AHCYL2: variants seen among roughly 807,000 people sequenced by gnomAD.
The protein encoded by AHCYL2 is adenosylhomocysteinase like 2, also known as S-adenosylhomocysteine hydrolase-like protein 2.
A neutral mutation model predicts 81.4 loss-of-function variants in AHCYL2; 28 were observed. The ratio of observed to expected loss-of-function variants is 0.34; its 90% CI spans 0.25 to 0.47. The LOEUF (loss-of-function observed/expected upper bound fraction) is 0.47. AHCYL2 is among the 20% of genes least tolerant of loss of function. The pLI is 1.00. For synonymous variants in AHCYL2, 272 were observed against 290.2 expected, an observed-to-expected ratio of 0.94 and a Z score of 0.64; for missense variants, 551 against 785.1, an observed-to-expected ratio of 0.70 and a Z score of 3.56.
intron 1 of AHCYL2, among the ~76,000 whole-genome samples, chr7:129,370,188 T>G (rs747328067): frequency 1.4e-4 from 21 of 152,190 alleles, no homozygotes; most frequent in Admixed American, 3.3e-4. Context: ...TCTTACAAGC[T>G]TAGCACATCC....
intron 6 of AHCYL2, 117 bp from the exon 7 acceptor site, chr7:129,403,262 T>C (rs572598779): frequency 1.7e-6 from 1 of 593,118 alleles, no homozygotes; most frequent in South Asian, 2.3e-5. Flanking sequence ...CATAACCATA[T>C]GGGAAATTTT....
At chr7:129,321,766 G>GTTTTTGTTTTTTTTTTTTTT (rs1315391980) in intron 1 of AHCYL2, among the ~76,000 whole-genome samples, 1 of 107,486 alleles carries the variant, frequency 9.3e-6, no homozygotes, top group Non-Finnish European at 1.8e-5. Flanking sequence ...TTTTTTTTTG[G>GTTTTTGTTTTTTTTTTTTTT]TCTTGGTTTT....
Position 129,333,346 on chromosome 7 carries a change from C to T in AHCYL2, c.364-46292C>T, listed in dbSNP as rs537155195. On this transcript the variant is annotated intron_variant, in intron 1 of 16. Transcript: ENST00000325006. Reference sequence around the variant, plus strand: ...AAAAAAAAAATTTTTTTTTAAGTTCCAAGGTGTCTAATTGAATGTGCCCTA... The same window carrying T: ...AAAAAAAAAATTTTTTTTTAAGTTCTAAGGTGTCTAATTGAATGTGCCCTA... 4.7e-5 allele frequency among the ~76,000 whole-genome samples: 7 copies of T among 150,504 alleles called. No homozygotes were observed. In the South Asian group the frequency reaches 1.5e-3, roughly 32 times the overall value.
intron 1 of AHCYL2, among the ~76,000 whole-genome samples, chr7:129,319,748 G>C (rs190342186): frequency 6.6e-5 from 10 of 152,106 alleles, no homozygotes; most frequent in Non-Finnish European, 1.2e-4. Flanking sequence ...GTTACAGCAC[G>C]TATCAATAGT....
chr7:129,377,551 C>T, intron 1 of AHCYL2: 1 of 456,648 alleles, frequency 2.2e-6, no homozygotes, highest in Non-Finnish European at 4.4e-6. Flanking sequence ...GGAAGTGGAG[C>T]CGTCAGTTCC....
At chr7:129,245,916 A>G (rs1354547385) in intron 1 of AHCYL2, among the ~76,000 whole-genome samples, 1 of 152,224 alleles carries the variant, frequency 6.6e-6, no homozygotes, top group Non-Finnish European at 1.5e-5. Flanking sequence ...GACGTTTTGC[A>G]AAACTGTCAT....
At chr7:129,372,996 A>G (rs1228277953) in intron 1 of AHCYL2, among the ~76,000 whole-genome samples, 1 of 152,164 alleles carries the variant, frequency 6.6e-6, no homozygotes. Context: ...AAAGTGTTAG[A>G]GCAGTGGTTT....
In AHCYL2 at chr7:129,405,978, CAT is replaced by C. The variant is rs1796287438; in HGVS notation, c.1206+82_1206+83del. On this transcript the variant is annotated intron_variant, in intron 9 of 16. Coordinates refer to ENST00000325006, the MANE Select transcript of AHCYL2 (RefSeq NM_015328.4). ...TTCTGGAATTTTTTATTTGTATGGA[CAT>C]ATGAGTACACCCTTTACCACTTTAG... 3 of 1,310,452 alleles carry C rather than the reference CAT, an allele frequency of 2.3e-6. No homozygotes were observed. The African/African-American group carries it at 4.4e-5, about 19-fold the overall frequency. The allele number at this position is 1,310,452 out of a possible 1,614,324, so 81.2% of individuals were successfully genotyped here.
At chr7:129,285,590 C>T (rs1487919424) in intron 1 of AHCYL2, among the ~76,000 whole-genome samples, 2 of 152,122 alleles carry the variant, frequency 1.3e-5, no homozygotes, top group Non-Finnish European at 2.9e-5. Context: ...AATCTTTCCC[C>T]AGAGGGAAAT....
At chr7:129,275,572 A>C (rs917469369) in intron 1 of AHCYL2, among the ~76,000 whole-genome samples, 1 of 152,232 alleles carries the variant, frequency 6.6e-6, no homozygotes, top group Non-Finnish European at 1.5e-5. Flanking sequence ...GCAGGTTAAT[A>C]GTAGCCAAAA....
At chr7:129,424,397 CTAAT>C (rs1323604469) in intron 13 of AHCYL2, among the ~76,000 whole-genome samples, 3 of 150,592 alleles carry the variant, frequency 2.0e-5, no homozygotes, top group Non-Finnish European at 3.0e-5. Flanking sequence ...GAGACTCCAT[CTAAT>C]CAATCAATCA....
At position 129,225,223 on chromosome 7, in the gene AHCYL2, C is replaced by T. The variant is rs1415572657; in HGVS notation, c.147C>T (p.Asp49=). Residue 49 remains aspartate (D), a synonymous_variant, in exon 1 of 17, where the codon GAC becomes GAT. Coordinates refer to ENST00000325006, the MANE Select transcript of AHCYL2 (RefSeq NM_015328.4). The part of the protein sequence containing the change: ...GAMAPPAGGG[D]PEAPAPAAER... ...TGGCCCCCCCGGCGGGCGGTGGAGA[C>T]CCTGAGGCTCCAGCTCCCGCCGCGG... 3 of 1,504,762 alleles carry T rather than the reference C, an allele frequency of 2.0e-6. No individual in the cohort carries two copies. The highest frequency in any genetic ancestry group is 2.6e-6 in the Non-Finnish European group (3 of 1,134,118). The allele number at this position is 1,504,762 out of a possible 1,614,324, so 93.2% of individuals were successfully genotyped here. A position where few individuals can be genotyped will look rare whatever the true frequency, so the allele number is the denominator to read the frequency against.
intron 1 of AHCYL2, among the ~76,000 whole-genome samples, chr7:129,267,245 G>A (rs2566880): frequency 2.8e-3 from 19 of 6,860 alleles, no homozygotes; most frequent in South Asian, 0.023. Context: ...GTGTGTGTGT[G>A]TGTGTGTGTG....
intron 1 of AHCYL2, among the ~76,000 whole-genome samples, chr7:129,240,834 G>C (rs765015490): frequency 5.9e-5 from 9 of 152,108 alleles, no homozygotes; most frequent in Non-Finnish European, 1.0e-4. Flanking sequence ...GGGTGCGTGG[G>C]ACCGAGGAAT....
intron 1 of AHCYL2, among the ~76,000 whole-genome samples, chr7:129,245,681 T>G (rs1055543324): frequency 2.0e-5 from 3 of 152,230 alleles, no homozygotes; most frequent in African/African-American, 7.2e-5. Context: ...CATGCCAGAA[T>G]TTCATTCATT....
intron 4 of AHCYL2, among the ~76,000 whole-genome samples, chr7:129,390,336 C>T (rs1795407256): frequency 6.6e-6 from 1 of 152,168 alleles, no homozygotes; most frequent in East Asian, 1.9e-4. Flanking sequence ...TATGCAAACA[C>T]TGCATCATTT....
chr7:129,318,824 AGGTGGT>A (rs1797915415), intron 1 of AHCYL2, among the ~76,000 whole-genome samples: 1 of 152,052 alleles, frequency 6.6e-6, no homozygotes, highest in South Asian at 2.1e-4. Flanking sequence ...TTGGGGGAAC[AGGTGGT>A]GGTTGGTTAC....
chr7:129,276,668 A>G (rs780244714), intron 1 of AHCYL2, among the ~76,000 whole-genome samples: 17 of 150,618 alleles, frequency 1.1e-4, no homozygotes, highest in Non-Finnish European at 2.4e-4. Flanking sequence ...AGAATTGCTT[A>G]AACCTGGAAG....
At chr7:129,390,316 G>T (rs1222289327) in intron 4 of AHCYL2, among the ~76,000 whole-genome samples, 1 of 152,164 alleles carries the variant, frequency 6.6e-6, no homozygotes, top group African/African-American at 2.4e-5. Flanking sequence ...AGAAGGATGT[G>T]CACAGATTAT....
Sources: gnomAD v4.1 joint callset for allele counts (sites outside exome capture counted in the v4.1 genomes callset) on GRCh38, gnomAD v4.1.1 for gene constraint, MANE v1.5 for transcripts, NCBI Gene and HGNC (gene_info 2026-07-23, HGNC 2026-07-21) for gene names.